Variants in CPT1A observed in about 807,000 individuals in gnomAD.
CPT1A encodes carnitine O-palmitoyltransferase 1, liver isoform.
CPT1A carries 64 observed loss-of-function variants against 100.8 expected under a neutral mutation model. The ratio of observed to expected loss-of-function variants is 0.63; its 90% CI spans 0.52 to 0.78. The LOEUF (loss-of-function observed/expected upper bound fraction) is 0.78. CPT1A is among the 30% of genes least tolerant of loss of function. The pLI is 0.00. For synonymous variants in CPT1A, 363 were observed against 396.0 expected, an observed-to-expected ratio of 0.92 and a Z score of 0.99; for missense variants, 802 against 1,034.1, an observed-to-expected ratio of 0.78 and a Z score of 3.08.
rs1854666394 is a variant in CPT1A, at chr11:68,762,754, C to T, written c.1748G>A (p.Gly583Asp). Residue 583 changes from glycine to aspartate, a missense_variant, in exon 15 of 19, where the codon GGC becomes GAC. Gly to Asp is a moderately conservative substitution (Grantham distance 94). Coordinates refer to ENST00000265641, the MANE Select transcript of CPT1A (RefSeq NM_001876.4). ...GGCCTCGTATGTGAGGCAAAACTTGCCCATGTCCTGGGGAAAGAGAAGTAC... is the reference window on the plus strand; with the variant it reads ...GGCCTCGTATGTGAGGCAAAACTTGTCCATGTCCTGGGGAAAGAGAAGTAC... Reference protein sequence around the residue: ...ALQLAHYKDMGKFCLTYEASM... With the variant: ...ALQLAHYKDMDKFCLTYEASM... 3 of 1,614,102 alleles carry T rather than the reference C, an allele frequency of 1.9e-6. No individual in the cohort carries two copies. Among genetic ancestry groups the T allele is most frequent in the Non-Finnish European group, 2.5e-6 (3 of 1,180,040 alleles).
chr11:68,799,423 C>T (rs1358911072), intron 5 of CPT1A, 68 bp from the exon 6 acceptor site: 4 of 1,558,062 alleles, frequency 2.6e-6, no homozygotes, highest in African/African-American at 2.7e-5. Flanking sequence ...ATGTTTGCCT[C>T]ACTTGTGCCT....
intron 1 of CPT1A, among the ~76,000 whole-genome samples, chr11:68,816,923 G>GTC (rs1856422813): frequency 9.6e-6 from 1 of 104,328 alleles, no homozygotes; most frequent in Admixed American, 9.7e-5. Flanking sequence ...TGGTGTGTGT[G>GTC]TGGGTGTGTG....
At chr11:68,784,054 G>T (rs1855385562) in intron 10 of CPT1A, among the ~76,000 whole-genome samples, 1 of 151,942 alleles carries the variant, frequency 6.6e-6, no homozygotes, top group Non-Finnish European at 1.5e-5. Context: ...GTAGAGATGG[G>T]GTCTCACTCT....
intron 7 of CPT1A, among the ~76,000 whole-genome samples, chr11:68,795,553 T>C (rs572754154): frequency 5.9e-5 from 9 of 152,134 alleles, no homozygotes; most frequent in African/African-American, 2.2e-4. Context: ...TTGAGATTAT[T>C]TCAGATGGGA....
intron 14 of CPT1A, among the ~76,000 whole-genome samples, chr11:68,772,701 A>C (rs1201640023): frequency 1.3e-5 from 2 of 152,268 alleles, no homozygotes; most frequent in East Asian, 3.9e-4. Flanking sequence ...ATAATATTCC[A>C]CTGTATGAAA....
intron 1 of CPT1A, among the ~76,000 whole-genome samples, chr11:68,838,658 C>A (rs1378181468): frequency 1.3e-5 from 2 of 150,402 alleles, no homozygotes; most frequent in Non-Finnish European, 2.9e-5. Flanking sequence ...ACTGCAGTCT[C>A]CACCTCCTGG....
intron 1 of CPT1A, among the ~76,000 whole-genome samples, chr11:68,817,755 G>GT (rs1299468011): frequency 6.8e-6 from 1 of 148,030 alleles, no homozygotes; most frequent in African/African-American, 2.5e-5. Flanking sequence ...GCTGTTGGGG[G>GT]GGGGTCAGTG....
upstream of CPT1A, among the ~76,000 whole-genome samples, chr11:68,842,620 C>G (rs1857183942): frequency 1.3e-5 from 2 of 152,160 alleles, no homozygotes; most frequent in Admixed American, 1.3e-4. Context: ...GTGAGATTTA[C>G]TAAAATAATT....
At chr11:68,766,826 G>GA (rs11306055) in intron 14 of CPT1A, among the ~76,000 whole-genome samples, 203 of 138,420 alleles carry the variant, frequency 1.5e-3, no homozygotes, top group African/African-American at 4.5e-3. Flanking sequence ...TATCAAGGAG[G>GA]AAAAAAAAAA....
At chr11:68,811,276 A>G (rs540115330) in intron 3 of CPT1A, among the ~76,000 whole-genome samples, 2 of 152,276 alleles carry the variant, frequency 1.3e-5, no homozygotes, top group African/African-American at 4.8e-5. Flanking sequence ...TCCTGGGATT[A>G]CAGGTGTGAA....
intron 6 of CPT1A, 21 bp from the exon 7 acceptor site, chr11:68,796,954 A>G (rs985466251): frequency 6.2e-7 from 1 of 1,612,892 alleles, no homozygotes. Context: ...CAAACACCAG[A>G]CAAACCCGCA....
intron 14 of CPT1A, among the ~76,000 whole-genome samples, chr11:68,763,011 AT>A (rs1401769674): frequency 5.9e-5 from 9 of 151,730 alleles, no homozygotes; most frequent in Admixed American, 3.9e-4. Context: ...GTGCATGCTA[AT>A]TTTTTTAAAA....
In CPT1A at chr11:68,784,701, C is replaced by T. The variant is rs574384445; in HGVS notation, c.1163+114G>A. On this transcript the variant is annotated intron_variant, in intron 10 of 18. Coordinates refer to ENST00000265641, the MANE Select transcript of CPT1A (RefSeq NM_001876.4). ...GGGAGACCCCAGAGAAAAACAGAGCCGAGGTGGGGAGTCCCGTGCCAGGAT... is the reference window on the plus strand; with the variant it reads ...GGGAGACCCCAGAGAAAAACAGAGCTGAGGTGGGGAGTCCCGTGCCAGGAT... The T allele has an allele frequency of 1.1e-4, 114 of 1,023,808 alleles. No individual in the cohort carries two copies. The East Asian group carries it at 2.4e-3, about 22-fold the overall frequency. The allele number at this position is 1,023,808 out of a possible 1,614,324, so 63.4% of individuals were successfully genotyped here. A position where few individuals can be genotyped will look rare whatever the true frequency, so the allele number is the denominator to read the frequency against.
Position 68,755,165 on chromosome 11 carries a change from A to C in CPT1A, c.*2479T>G. 1 of 333,778 alleles carries C rather than the reference A, an allele frequency of 3.0e-6. No homozygotes were observed. The highest frequency in any genetic ancestry group is 5.6e-6 in the Non-Finnish European group (1 of 177,206). The allele number at this position is 333,778 out of a possible 1,614,324, so 20.7% of individuals were successfully genotyped here. A position where few individuals can be genotyped will look rare whatever the true frequency, so the allele number is the denominator to read the frequency against. On this transcript the variant is annotated 3_prime_UTR_variant, in exon 19 of 19. Coordinates refer to ENST00000265641, the MANE Select transcript of CPT1A (RefSeq NM_001876.4). ...ACTGATGAGCAACAATTACATTTGA[A>C]ACATTTAAAACCTGAGAGAGAAACC... is the stretch of plus-strand genomic sequence containing the variant.
In CPT1A at chr11:68,812,631, T is replaced by C. The variant is rs1026272645; in HGVS notation, c.142-55A>G. 5.0e-6 allele frequency: 8 copies of C among 1,607,288 alleles called. No homozygotes were observed. The African/African-American group carries it at 8.0e-5, about 16-fold the overall frequency. Reference sequence around the variant, plus strand: ...TGTCCTCCCACAACCCACAGGGCAATGACGCTTCATGGCCCCTGGCAGCAG... The same window carrying C: ...TGTCCTCCCACAACCCACAGGGCAACGACGCTTCATGGCCCCTGGCAGCAG... On this transcript the variant is annotated intron_variant, in intron 2 of 18. Transcript: ENST00000265641.
upstream of CPT1A, among the ~76,000 whole-genome samples, chr11:68,843,332 G>C (rs1857195268): frequency 6.6e-6 from 1 of 151,944 alleles, no homozygotes; most frequent in South Asian, 2.1e-4. The surrounding 1 kb of genome is among the most constrained non-coding windows in gnomAD (Gnocchi z 4.0). Context: ...CATTTACGCG[G>C]CCCCCATTGG....
intron 3 of CPT1A, among the ~76,000 whole-genome samples, chr11:68,810,929 G>A (rs1433213682): frequency 6.6e-6 from 1 of 151,998 alleles, no homozygotes; most frequent in Admixed American, 6.6e-5. Context: ...AGGTTGCAGT[G>A]AGCCGAGATC....
At chr11:68,829,618 C>T (rs1856829498) in intron 1 of CPT1A, among the ~76,000 whole-genome samples, 1 of 152,208 alleles carries the variant, frequency 6.6e-6, no homozygotes, top group South Asian at 2.1e-4. Context: ...TAACCTCTCC[C>T]CTGTCACTCA....
chr11:68,785,467 A>T (rs1855432477), intron 9 of CPT1A, among the ~76,000 whole-genome samples: 1 of 151,380 alleles, frequency 6.6e-6, no homozygotes, highest in African/African-American at 2.4e-5. Context: ...AGGCTGAGGC[A>T]GGAGAATCGC....
Sources: gnomAD v4.1 joint callset for allele counts (sites outside exome capture counted in the v4.1 genomes callset) on GRCh38, gnomAD v4.1.1 for gene constraint, Gnocchi (gnomAD v3.1) non-coding constraint, MANE v1.5 for transcripts, NCBI Gene and HGNC (gene_info 2026-07-23, HGNC 2026-07-21) for gene names.